UBASH3A: variants seen among roughly 807,000 people sequenced by gnomAD.
UBASH3A encodes the protein ubiquitin-associated and SH3 domain-containing protein A.
UBASH3A carries 63 observed loss-of-function variants against 73.5 expected under a neutral mutation model. The observed-to-expected ratio is 0.86, with a 90% confidence interval of 0.70 to 1.06. The LOEUF is 1.06. Among genes scored for constraint, UBASH3A ranks in the 50% least tolerant of loss-of-function variants. The pLI, the probability that UBASH3A is intolerant of heterozygous loss-of-function variation, is 0.00. For synonymous variants in UBASH3A, 363 were observed against 351.1 expected (o/e 1.03, Z -0.38); for missense variants, 860 against 859.0 (o/e 1.00, Z -0.02).
intron 7 of UBASH3A, among the ~76,000 whole-genome samples, chr21:42,422,496 C>G (rs2053354522): frequency 6.6e-6 from 1 of 152,174 alleles, no homozygotes; most frequent in African/African-American, 2.4e-5. Context: ...ACTCACTTGC[C>G]TGTGTTCACA....
intron 11 of UBASH3A, 57 bp from the exon 12 acceptor site, chr21:42,442,395 A>T (rs1237035345): frequency 1.3e-6 from 2 of 1,573,252 alleles, no homozygotes; most frequent in Non-Finnish European, 1.7e-6. Context: ...AGACTTATTT[A>T]TGCAAAGTCA....
chr21:42,435,107 T>A, intron 10 of UBASH3A, 153 bp downstream of exon 10: 1 of 945,556 alleles, frequency 1.1e-6, no homozygotes, highest in Non-Finnish European at 1.5e-6. Context: ...ACAGAGAGGT[T>A]AAGCAACTTG....
chr21:42,443,380 C>G lies in UBASH3A; in HGVS notation c.1700C>G (p.Ala567Gly), dbSNP rs763399326. Residue 567 changes from alanine (A) to glycine (G), a missense_variant, in exon 13 of 15, where the codon GCG (alanine) becomes GGG (glycine). Coordinates refer to ENST00000319294, the MANE Select transcript of UBASH3A (RefSeq NM_018961.4). ...CAGGAGTACATGGACAGGTGCACGG[C>G]GAGCATGGTGCAAATCGTCAACACC... ...SYQEYMDRCT[A>G]SMVQIVNTCP... 4 of 1,612,854 alleles carry G rather than the reference C, an allele frequency of 2.5e-6. No homozygotes were observed. The African/African-American group carries it at 4.0e-5, about 16-fold the overall frequency.
At chr21:42,441,449 TTGATGGGGGAGGACTCGGGGAC>T (rs2053740288) in intron 11 of UBASH3A, among the ~76,000 whole-genome samples, 3 of 111,504 alleles carry the variant, frequency 2.7e-5, no homozygotes, top group East Asian at 5.2e-4. Flanking sequence ...GGGGGCCCAG[TTGATGGGGGAGGACTCGGGGAC>T]CTGGTTGATG....
chr21:42,405,502 G>C (rs2052950996), intron 1 of UBASH3A, among the ~76,000 whole-genome samples: 4 of 152,144 alleles, frequency 2.6e-5, no homozygotes, highest in Admixed American at 2.6e-4. Context: ...CCCCACACCA[G>C]AGCACCTCAT....
intron 8 of UBASH3A, among the ~76,000 whole-genome samples, chr21:42,431,290 C>A (rs1010483770): frequency 5.3e-5 from 8 of 152,352 alleles, no homozygotes; most frequent in African/African-American, 1.7e-4. Context: ...GGGTAGCCAG[C>A]CTCGCTGCCC....
chr21:42,407,492 A>T (rs2053001231), intron 2 of UBASH3A, among the ~76,000 whole-genome samples: 1 of 152,222 alleles, frequency 6.6e-6, no homozygotes, highest in East Asian at 1.9e-4. Flanking sequence ...ACTGCAACCC[A>T]GTCAATAAGA....
intron 10 of UBASH3A, 167 bp downstream of exon 10, chr21:42,435,121 A>C (rs2053603002): frequency 1.4e-6 from 1 of 739,404 alleles, no homozygotes; most frequent in South Asian, 2.0e-5. Flanking sequence ...CAACTTGCCC[A>C]AGGTCACACA....
chr21:42,431,636 CG>C (rs1568930566), intron 8 of UBASH3A, among the ~76,000 whole-genome samples: 2 of 152,212 alleles, frequency 1.3e-5, no homozygotes, highest in African/African-American at 4.8e-5. Context: ...CATAAAAGGA[CG>C]GCCCCTCAAC....
intron 7 of UBASH3A, among the ~76,000 whole-genome samples, chr21:42,419,531 C>T (rs966734048): frequency 6.6e-6 from 1 of 152,208 alleles, no homozygotes; most frequent in African/African-American, 2.4e-5. Flanking sequence ...ACACCTGTCA[C>T]ATTCCTTTCT....
At chr21:42,426,907 T>A in intron 8 of UBASH3A, 87 bp downstream of exon 8, 1 of 1,503,928 alleles carries the variant, frequency 6.6e-7, no homozygotes, top group South Asian at 1.2e-5. Flanking sequence ...GCTTCGTAGG[T>A]GTAGCTTTTG....
chr21:42,414,731 G>A (rs1213413377), intron 5 of UBASH3A, among the ~76,000 whole-genome samples: 1 of 152,196 alleles, frequency 6.6e-6, no homozygotes, highest in Non-Finnish European at 1.5e-5. Flanking sequence ...AAGAAGCCAG[G>A]AAGGACCCTT....
At chr21:42,410,198 A>C (rs2053061540) in intron 3 of UBASH3A, 1 of 700,826 alleles carries the variant, frequency 1.4e-6, no homozygotes, top group Non-Finnish European at 2.6e-6. Context: ...GCAGCTCTAC[A>C]GGGGCACCGG....
rs2053696879 is a variant in UBASH3A at position 42,439,731 on chromosome 21, A to G, written c.1486+2151A>G. ...CACACACCATGCACACCCACACACC[A>G]CACACACCCACACACACCACACACA... On this transcript the variant is annotated intron_variant, in intron 11 of 14. Transcript: ENST00000319294. Among the ~76,000 whole-genome samples the G allele has an allele frequency of 4.3e-5, 6 of 138,020 alleles. No individual in the cohort carries two copies. The South Asian group carries it at 1.4e-3, about 32-fold the overall frequency. The allele number at this position is 138,020 out of a possible 152,430, so 90.5% of individuals were successfully genotyped here.
At chr21:42,419,150 C>T (rs938387386) in intron 7 of UBASH3A, among the ~76,000 whole-genome samples, 15 of 152,232 alleles carry the variant, frequency 9.9e-5, no homozygotes, top group African/African-American at 2.9e-4. Flanking sequence ...ACACCCTCGC[C>T]TGAGCATACA....
intron 9 of UBASH3A, among the ~76,000 whole-genome samples, chr21:42,434,465 T>C (rs2053591607): frequency 6.6e-6 from 1 of 152,184 alleles, no homozygotes; most frequent in Non-Finnish European, 1.5e-5. Context: ...GGATGGATCA[T>C]TGATGCCAAC....
At chr21:42,411,591 A>G (rs1218355070) in intron 3 of UBASH3A, among the ~76,000 whole-genome samples, 2 of 152,134 alleles carry the variant, frequency 1.3e-5, no homozygotes, top group Non-Finnish European at 2.9e-5. Context: ...ACATATAGAC[A>G]TATGCAGACA....
intron 3 of UBASH3A, chr21:42,410,263 C>G: frequency 1.5e-6 from 1 of 679,472 alleles, no homozygotes. Flanking sequence ...AAGGGAGAGA[C>G]AGACAGCCAC....
In UBASH3A at chr21:42,418,575, C is replaced by T. The variant is rs763842035; in HGVS notation, c.1012C>T (p.Arg338Ter). The T allele has an allele frequency of 5.6e-6, 9 of 1,614,082 alleles. No homozygotes were observed. The highest frequency in any genetic ancestry group is 1.3e-5 in the African/African-American group (1 of 75,058). Reference protein sequence around the residue: ...RGFLPENYTDRASESDTWVKH... With the variant: ...RGFLPENYTD ...CTTCCTGCCGGAAAACTACACGGAT[C>T]GAGCCAGTGAGTCTGACACGTGGGT... The change falls in exon 7 of 15, where the codon CGA becomes TGA. Residue 338 changes from arginine to a stop codon, truncating the protein, a stop_gained. Transcript: ENST00000319294. LOFTEE classifies it high-confidence loss of function.
Sources: gnomAD v4.1 joint callset for allele counts (sites outside exome capture counted in the v4.1 genomes callset) on GRCh38, gnomAD v4.1.1 for gene constraint, MANE v1.5 for transcripts, NCBI Gene and HGNC (gene_info 2026-07-23, HGNC 2026-07-21) for gene names.